SOX6: variants seen among roughly 807,000 people sequenced by gnomAD.
The protein encoded by SOX6 is SRY-box transcription factor 6.
In SOX6, 11 loss-of-function variants were observed where a neutral mutation model predicts 97.8. The observed-to-expected ratio is 0.11, with a 90% CI of 0.07 to 0.19. The LOEUF (loss-of-function observed/expected upper bound fraction) is 0.19, where lower values mean the gene tolerates loss of function less well. SOX6 is among the 10% of genes least tolerant of loss of function. SOX6 has a pLI of 1.00. For synonymous variants in SOX6, 360 were observed against 371.4 expected (o/e 0.97, Z 0.35); for missense variants, 810 against 1,039.5 (o/e 0.78, Z 3.04).
chr11:16,011,939 T>C (rs1854742969), intron 13 of SOX6, among the ~76,000 whole-genome samples: 1 of 152,088 alleles, frequency 6.6e-6, no homozygotes, highest in African/African-American at 2.4e-5. Context: ...CTTTTCTCCA[T>C]GATAATTATG....
intron 3 of SOX6, among the ~76,000 whole-genome samples, chr11:16,685,761 G>A (rs1248807898): frequency 6.6e-6 from 1 of 152,276 alleles, no homozygotes; most frequent in Non-Finnish European, 1.5e-5. Context: ...CAATGCCCCA[G>A]TAGGGACTCT....
chr11:16,462,120 A>G (rs2133107168), intron 1 of SOX6, among the ~76,000 whole-genome samples: 1 of 152,336 alleles, frequency 6.6e-6, no homozygotes, highest in South Asian at 2.1e-4. Flanking sequence ...TAACTGGGAA[A>G]ACAGATAACC....
chr11:16,188,229 C>CAAA lies in SOX6; in HGVS notation c.536-1277_536-1275dup, dbSNP rs5789943. The stretch of plus-strand genomic sequence containing the variant: ...GGGATTCTTAATGTCAACTCAGGTC[C>CAAA]AAAAAAAAAAAAAAAAAGAAAAGCT... On this transcript the variant is annotated intron_variant, in intron 4 of 15. Coordinates refer to ENST00000683767, the MANE Select transcript of SOX6 (RefSeq NM_001367873.1). Among the ~76,000 whole-genome samples the CAAA allele has an allele frequency of 1.1e-3, 124 of 113,554 alleles. 1 individual carries two copies. Among genetic ancestry groups the CAAA allele is most frequent in the African/African-American group, 3.6e-3 (115 of 32,160 alleles). 74.5% of individuals were successfully genotyped at this position (113,554 alleles called of 152,430 possible).
At chr11:16,223,963 A>G (rs1048769603) in intron 4 of SOX6, among the ~76,000 whole-genome samples, 1 of 152,120 alleles carries the variant, frequency 6.6e-6, no homozygotes, top group Non-Finnish European at 1.5e-5. Flanking sequence ...AGACTAATAC[A>G]TATTTAATAT....
intron 6 of SOX6, among the ~76,000 whole-genome samples, chr11:16,166,160 G>T (rs1850883002): frequency 6.6e-6 from 1 of 151,966 alleles, no homozygotes; most frequent in African/African-American, 2.4e-5. Context: ...GAATTTAAGT[G>T]ATTTTTTTTT....
At chr11:16,671,310 G>A (rs545084781) in intron 3 of SOX6, among the ~76,000 whole-genome samples, 6 of 152,248 alleles carry the variant, frequency 3.9e-5, no homozygotes, top group African/African-American at 1.4e-4. Flanking sequence ...TGGCTGAAAT[G>A]GCAGAAATAG....
chr11:16,309,916 A>C (rs2134287888), intron 3 of SOX6, among the ~76,000 whole-genome samples: 1 of 152,260 alleles, frequency 6.6e-6, no homozygotes, highest in African/African-American at 2.4e-5. Flanking sequence ...ATGAGACTAT[A>C]ACTTATTTCA....
intron 9 of SOX6, among the ~76,000 whole-genome samples, chr11:16,060,578 A>C (rs933501015): frequency 8.6e-5 from 13 of 151,950 alleles, no homozygotes; most frequent in Admixed American, 7.9e-4. Context: ...TTTAGTATAA[A>C]TATCATTCTA....
exon 4 of SOX6, chr11:16,612,184 G>C (rs770331290): frequency 6.6e-6 from 1 of 151,668 alleles, no homozygotes; most frequent in Non-Finnish European, 1.5e-5. Context: ...GCCAGTCTGC[G>C]TACACCTTCA....
intron 6 of SOX6, among the ~76,000 whole-genome samples, chr11:16,170,593 G>A (rs180916553): frequency 5.3e-5 from 8 of 152,032 alleles, no homozygotes; most frequent in Admixed American, 2.6e-4. Context: ...AGCTAGCCCT[G>A]GCAAAACTGA....
At chr11:16,431,443 T>C (rs1463173978) in intron 1 of SOX6, among the ~76,000 whole-genome samples, 4 of 152,132 alleles carry the variant, frequency 2.6e-5, no homozygotes, top group African/African-American at 7.2e-5. Flanking sequence ...AAACAATTTA[T>C]ACAGCTGAAC....
chr11:16,523,666 A>G (rs1861107658), intron 4 of SOX6, among the ~76,000 whole-genome samples: 2 of 152,208 alleles, frequency 1.3e-5, no homozygotes, highest in Admixed American at 6.5e-5. Context: ...GACACAAAAA[A>G]CACTTCAAAA....
At chr11:16,346,837 A>C (rs1185369080) in intron 1 of SOX6, among the ~76,000 whole-genome samples, 6 of 152,072 alleles carry the variant, frequency 3.9e-5, no homozygotes, top group African/African-American at 1.4e-4. Context: ...TGTCTAAGAA[A>C]GTGCTTAAAT....
intron 2 of SOX6, among the ~76,000 whole-genome samples, chr11:16,330,493 G>T (rs964124610): frequency 2.6e-5 from 4 of 152,096 alleles, no homozygotes; most frequent in African/African-American, 9.7e-5. Flanking sequence ...GAAGGCGGAG[G>T]TTCCAGTGAG....
At position 16,580,485 on chromosome 11, in the gene SOX6, C is replaced by T. The variant is rs575915741; in HGVS notation, n.609+31596G>A. Among the ~76,000 whole-genome samples, 51 of 152,022 alleles carry T rather than the reference C, an allele frequency of 3.4e-4. 1 individual carries two copies. The highest frequency in any genetic ancestry group is 4.2e-4 in the South Asian group (2 of 4,808). ...GTATTAACCCCTTTTGCCTCTTTCT[C>T]GGAAAATACTTTTTGGAAAATAAAT... On this transcript the variant is annotated intron_variant and non_coding_transcript_variant, in intron 4 of 5. Transcript: ENST00000524520.
intron 3 of SOX6, among the ~76,000 whole-genome samples, chr11:16,620,884 C>T (rs2133988613): frequency 6.6e-6 from 1 of 152,120 alleles, no homozygotes; most frequent in East Asian, 1.9e-4. Flanking sequence ...CTACAGCCAC[C>T]AACTATCACA....
chr11:16,065,590 C>T (rs1289849645), intron 9 of SOX6, among the ~76,000 whole-genome samples: 2 of 151,920 alleles, frequency 1.3e-5, no homozygotes. Context: ...AATAGAGAAC[C>T]CAGAAACAAA....
At chr11:15,986,597 C>T (rs550956191) in intron 14 of SOX6, among the ~76,000 whole-genome samples, 177 bp from the exon 15 acceptor site, 8 of 152,224 alleles carry the variant, frequency 5.3e-5, no homozygotes, top group South Asian at 2.1e-4. Flanking sequence ...AACAATTTTG[C>T]GTATGATACT....
chr11:16,557,218 C>T lies in SOX6; in HGVS notation n.609+54863G>A, dbSNP rs544067998. On this transcript the variant is annotated intron_variant and non_coding_transcript_variant, in intron 4 of 5. Transcript: ENST00000524520. ...TAATTAAAGTTTATGCATATATGTT[C>T]ACATGAAGTGTAAAGATGGACAAAG... Among the ~76,000 whole-genome samples, 16 of 151,920 alleles carry T rather than the reference C, an allele frequency of 1.1e-4. No individual in the cohort carries two copies. The East Asian group carries it at 3.1e-3, about 29-fold the overall frequency.
Sources: allele counts gnomAD v4.1 joint callset (sites outside exome capture counted in the v4.1 genomes callset), GRCh38; gene constraint gnomAD v4.1.1; transcripts MANE v1.5; gene names NCBI Gene and HGNC (gene_info 2026-07-23, HGNC 2026-07-21).